The following DCAF1 variants were observed in gnomAD, a reference collection of about 807,000 sequenced individuals.
The protein encoded by DCAF1 is DDB1- and CUL4-associated factor 1.
Under a neutral mutation model 128.0 loss-of-function variants are expected in DCAF1, and 15 were observed. The observed-to-expected ratio is 0.12, with a 90% confidence interval of 0.08 to 0.18. DCAF1 has a LOEUF of 0.18. Ranked by LOEUF, DCAF1 falls within the 10% of genes least tolerant of loss-of-function variation. The pLI is 1.00. For missense variants in DCAF1, 988 were observed against 1,649.5 expected, an observed-to-expected ratio of 0.60 and a Z score of 6.95; for synonymous variants, 610 against 603.0, an observed-to-expected ratio of 1.01 and a Z score of -0.17.
chr3:51,499,480 G>A (rs1324094724), intron 1 of DCAF1, among the ~76,000 whole-genome samples: 1 of 152,160 alleles, frequency 6.6e-6, no homozygotes, highest in Non-Finnish European at 1.5e-5. Context: ...TAGTACGGAA[G>A]ATGGAGCCCC....
intron 2 of DCAF1, among the ~76,000 whole-genome samples, chr3:51,492,281 C>A (rs1369449124): frequency 1.3e-5 from 2 of 151,866 alleles, no homozygotes; most frequent in South Asian, 4.1e-4. Context: ...AATCCCAATA[C>A]TTTAGGCAGA....
chr3:51,477,496 T>C (rs1024522315), intron 3 of DCAF1, among the ~76,000 whole-genome samples: 1 of 147,968 alleles, frequency 6.8e-6, no homozygotes, highest in African/African-American at 2.5e-5. Flanking sequence ...TAGTGGAGCA[T>C]GGTAGCATGC....
intron 15 of DCAF1, 42 bp from the exon 16 acceptor site, chr3:51,418,918 G>A: frequency 6.5e-7 from 1 of 1,536,448 alleles, no homozygotes; most frequent in South Asian, 1.2e-5. Context: ...AGAATGTGCA[G>A]GGACTCAGAA....
chr3:51,408,963 T>C (rs1406783410), intron 23 of DCAF1, among the ~76,000 whole-genome samples: 1 of 152,164 alleles, frequency 6.6e-6, no homozygotes, highest in African/African-American at 2.4e-5. Context: ...TTCTCTGAGC[T>C]AGAAAGCTTT....
At chr3:51,458,425 T>G (rs370444047) in intron 6 of DCAF1, among the ~76,000 whole-genome samples, 1 of 152,128 alleles carries the variant, frequency 6.6e-6, no homozygotes, top group African/African-American at 2.4e-5. Context: ...AAGTCCTTAG[T>G]GACCTACAAA....
At position 51,413,399 on chromosome 3, in the gene DCAF1, T is replaced by TG. The variant is rs782172892; in HGVS notation, c.3932-14dup. ...GCCTGCAACATAGCTTGAGGGGGAG[T>TG]GGGGGAGGAAACACTATTAGGAATC... On this transcript the variant is annotated splice_polypyrimidine_tract_variant and intron_variant, in intron 20 of 24. Coordinates refer to ENST00000684031, the MANE Select transcript of DCAF1 (RefSeq NM_001387579.1). 6.2e-7 allele frequency: 1 copy of TG among 1,607,928 alleles called. No individual in the cohort carries two copies. The highest frequency in any genetic ancestry group is 8.5e-7 in the Non-Finnish European group (1 of 1,176,952).
Position 51,398,600 on chromosome 3 carries a change from A to G in DCAF1, c.*169T>C. On this transcript the variant is annotated 3_prime_UTR_variant, in exon 25 of 25. Coordinates refer to ENST00000684031, the MANE Select transcript of DCAF1 (RefSeq NM_001387579.1). The stretch of plus-strand genomic sequence containing the variant: ...TTTTGTGGTGGTTATTGATTCTGGA[A>G]GGACCCTCGGGTGCCAATGAGGCTC... 2.5e-6 allele frequency: 2 copies of G among 804,950 alleles called. No homozygotes were observed. The highest frequency in any genetic ancestry group is 3.8e-6 in the Non-Finnish European group (2 of 520,290). 49.9% of individuals were successfully genotyped at this position (804,950 alleles called of 1,614,324 possible). A position where few individuals can be genotyped will look rare whatever the true frequency, so the allele number is the denominator to read the frequency against.
intron 2 of DCAF1, among the ~76,000 whole-genome samples, chr3:51,484,339 G>A (rs1234954709): frequency 1.3e-5 from 2 of 151,968 alleles, no homozygotes; most frequent in African/African-American, 4.8e-5. Context: ...TGGACATGGT[G>A]GCAGGTGACT....
intron 2 of DCAF1, among the ~76,000 whole-genome samples, chr3:51,493,476 A>C (rs1707888600): frequency 1.3e-5 from 2 of 151,996 alleles, no homozygotes; most frequent in Non-Finnish European, 2.9e-5. Flanking sequence ...TCAAACAAAG[A>C]CTTATACACA....
At chr3:51,435,190 C>T (rs1663638942) in intron 9 of DCAF1, among the ~76,000 whole-genome samples, 2 of 152,226 alleles carry the variant, frequency 1.3e-5, no homozygotes, top group Non-Finnish European at 2.9e-5. Flanking sequence ...AACTGTGTGA[C>T]ACCCATTATA....
intron 2 of DCAF1, among the ~76,000 whole-genome samples, chr3:51,494,203 C>T (rs1707986518): frequency 6.7e-6 from 1 of 150,368 alleles, no homozygotes. Flanking sequence ...CAAGCTCCGC[C>T]TCCCGGGTTC....
At chr3:51,432,842 T>C (rs1700512616) in intron 10 of DCAF1, among the ~76,000 whole-genome samples, 1 of 152,124 alleles carries the variant, frequency 6.6e-6, no homozygotes, top group African/African-American at 2.4e-5. Flanking sequence ...GCCACAGAAA[T>C]GGCAAAAACT....
intron 22 of DCAF1, 150 bp from the exon 23 acceptor site, chr3:51,412,630 T>C: frequency 2.2e-6 from 3 of 1,334,512 alleles, no homozygotes; most frequent in South Asian, 3.0e-5. Context: ...GAAAATGTTA[T>C]ACCTAGGACA....
At chr3:51,440,584 CAG>C (rs1439722119) in intron 9 of DCAF1, among the ~76,000 whole-genome samples, 2 of 152,134 alleles carry the variant, frequency 1.3e-5, no homozygotes, top group African/African-American at 4.8e-5. Context: ...GCCTGGGTGA[CAG>C]AGTGAGACCT....
In DCAF1 at chr3:51,469,958, T is replaced by A. The variant is rs529182374; in HGVS notation, c.187+971A>T. 3.9e-5 allele frequency among the ~76,000 whole-genome samples: 6 copies of A among 152,246 alleles called. No homozygotes were observed. In the South Asian group the frequency reaches 1.2e-3, roughly 31 times the overall value. ...ATTGCTTGAACCCAAGAAGCAGTGG[T>A]TGCAGTGAGCCAAGATCGTGCCACT... On this transcript the variant is annotated intron_variant, in intron 4 of 24. Transcript: ENST00000684031.
At chr3:51,430,246 A>C (rs1700249473) in intron 10 of DCAF1, 34 bp from the exon 11 acceptor site, 3 of 764,020 alleles carry the variant, frequency 3.9e-6, no homozygotes, top group Non-Finnish European at 7.4e-6. Flanking sequence ...AATGCTTTTA[A>C]ATTGTGGGCA....
chr3:51,463,129 G>A lies in DCAF1; in HGVS notation c.360C>T (p.Val120=), dbSNP rs782442151. The part of the protein sequence containing the change: ...LDIMPGLETA[V]VFQEKEGIVE... Reference sequence around the variant, plus strand: ...CACTAAGTACCTTTTCTTGAAAGACGACAGCAGTTTCCAGCCCTGGCATGA... The same window carrying A: ...CACTAAGTACCTTTTCTTGAAAGACAACAGCAGTTTCCAGCCCTGGCATGA... Residue 120 remains valine, a synonymous_variant, in exon 6 of 25, where the codon GTC becomes GTT. Coordinates refer to ENST00000684031, the MANE Select transcript of DCAF1 (RefSeq NM_001387579.1). 8.8e-6 allele frequency: 14 copies of A among 1,590,358 alleles called. No homozygotes were observed. Among genetic ancestry groups the A allele is most frequent in the Admixed American group, 7.1e-5 (4 of 56,404 alleles).
chr3:51,440,276 G>A (rs200459469), intron 9 of DCAF1: 14 of 397,190 alleles, frequency 3.5e-5, no homozygotes, highest in Non-Finnish European at 6.9e-5. Flanking sequence ...AAAATGCAGA[G>A]AAATTACATG....
At chr3:51,458,183 C>G (rs1213985265) in intron 6 of DCAF1, among the ~76,000 whole-genome samples, 5 of 152,010 alleles carry the variant, frequency 3.3e-5, no homozygotes, top group African/African-American at 7.3e-5. Context: ...CACATGCAGA[C>G]ACACACATAG....
Sources: gnomAD v4.1 joint callset for allele counts (sites outside exome capture counted in the v4.1 genomes callset) on GRCh38, gnomAD v4.1.1 for gene constraint, MANE v1.5 for transcripts, NCBI Gene and HGNC (gene_info 2026-07-23, HGNC 2026-07-21) for gene names.